TOLLIP: variants seen among roughly 807,000 people sequenced by gnomAD.
The protein encoded by TOLLIP is toll-interacting protein.
A neutral mutation model predicts 33.5 loss-of-function variants in TOLLIP; 16 were observed. That is an observed-to-expected ratio of 0.48 (90% confidence interval 0.32 to 0.72). The LOEUF is 0.72. Ranked by LOEUF, TOLLIP falls within the 30% of genes least tolerant of loss-of-function variation. The pLI is 0.03. For missense variants in TOLLIP, 325 were observed against 396.6 expected, an observed-to-expected ratio of 0.82 and a Z score of 1.53; for synonymous variants, 176 against 163.7, an observed-to-expected ratio of 1.07 and a Z score of -0.57.
rs973230641 is a variant in TOLLIP, at chr11:1,309,611, G to C, written c.-113C>G. ...CAGTTGTCACCTCGAGGCCGCCGCC[G>C]CCACAGTCAGCTGACAGCCGCCGCG... is the stretch of plus-strand genomic sequence containing the variant. On this transcript the variant is annotated 5_prime_UTR_variant, in exon 1 of 6. Coordinates refer to ENST00000317204, the MANE Select transcript of TOLLIP (RefSeq NM_019009.4). The C allele has an allele frequency of 1.0e-5, 4 of 401,874 alleles. No individual in the cohort carries two copies. The highest frequency in any genetic ancestry group is 1.6e-5 in the Non-Finnish European group (4 of 243,970). The allele number at this position is 401,874 out of a possible 1,614,324, so 24.9% of individuals were successfully genotyped here.
At chr11:1,302,553 C>T (rs2133930350) in intron 1 of TOLLIP, 4 of 984,922 alleles carry the variant, frequency 4.1e-6, no homozygotes, top group Middle Eastern at 5.2e-4. Flanking sequence ...CCACCCTTCA[C>T]AGCACCAGCA....
intron 4 of TOLLIP, among the ~76,000 whole-genome samples, chr11:1,287,388 T>TCCCC (rs1863751735): frequency 9.8e-6 from 1 of 101,784 alleles, no homozygotes; most frequent in Non-Finnish European, 2.1e-5. Context: ...AGCAGCTCCC[T>TCCCC]GCTGCTGCCT....
intron 4 of TOLLIP, among the ~76,000 whole-genome samples, chr11:1,286,677 G>A (rs528763394): frequency 2.3e-4 from 35 of 151,842 alleles, no homozygotes; most frequent in African/African-American, 7.3e-4. Context: ...TCACTGCACC[G>A]CTGTCATCTC....
At position 1,298,933 on chromosome 11, in the gene TOLLIP, G is replaced by A. The variant is rs185541383; in HGVS notation, c.34-3139C>T. Among the ~76,000 whole-genome samples the A allele has an allele frequency of 7.9e-4, 121 of 152,340 alleles. No individual in the cohort carries two copies. In the Middle Eastern group the frequency reaches 0.027, roughly 34 times the overall value. On this transcript the variant is annotated intron_variant, in intron 1 of 5. Coordinates refer to ENST00000317204, the MANE Select transcript of TOLLIP (RefSeq NM_019009.4). Reference sequence around the variant, plus strand: ...AAAACACAAGGAAAGCCTGAGAGACGGTCCCAGATTGGAGATGGCAGACAT... The same window carrying A: ...AAAACACAAGGAAAGCCTGAGAGACAGTCCCAGATTGGAGATGGCAGACAT...
intron 4 of TOLLIP, 102 bp from the exon 5 acceptor site, chr11:1,286,194 GA>G: frequency 1.2e-6 from 1 of 865,470 alleles, no homozygotes. Context: ...CGCCAGCCCA[GA>G]ATCGCCCTCC....
chr11:1,301,091 T>C (rs570864829), intron 1 of TOLLIP, among the ~76,000 whole-genome samples: 173 of 152,400 alleles, frequency 1.1e-3, no homozygotes, highest in African/African-American at 4.1e-3. Flanking sequence ...TTCATGACTA[T>C]GCGCTGAGCA....
chr11:1,297,516 C>T (rs955801605), intron 1 of TOLLIP, among the ~76,000 whole-genome samples: 25 of 152,376 alleles, frequency 1.6e-4, no homozygotes, highest in African/African-American at 5.5e-4. Flanking sequence ...ACCTGAGCAG[C>T]CAGCATGGCG....
In TOLLIP at chr11:1,290,459, G is replaced by A; in HGVS notation, c.184-50C>T. The A allele has an allele frequency of 1.9e-6, 3 of 1,582,262 alleles. No individual in the cohort carries two copies. The highest frequency in any genetic ancestry group is 2.2e-5 in the South Asian group (2 of 89,552). The stretch of plus-strand genomic sequence containing the variant: ...AAGGAGGTGCCAACCATCAGGAGAG[G>A]GTGGGTTCTCTAGGCCGTCTGCCTC... On this transcript the variant is annotated intron_variant, in intron 2 of 5. Coordinates refer to ENST00000317204, the MANE Select transcript of TOLLIP (RefSeq NM_019009.4). The surrounding 1 kb of genome is among the most constrained non-coding windows in gnomAD (Gnocchi z 4.9).
intron 1 of TOLLIP, among the ~76,000 whole-genome samples, chr11:1,307,433 C>T (rs932168117): frequency 1.3e-5 from 2 of 152,226 alleles, no homozygotes; most frequent in African/African-American, 4.8e-5. Context: ...CGCTGCACGC[C>T]GGTGCCCCTC....
In TOLLIP at chr11:1,303,226, C is replaced by A. The variant is rs1256469668; in HGVS notation, c.33+6240G>T. Among the ~76,000 whole-genome samples, 4 of 152,134 alleles carry A rather than the reference C, an allele frequency of 2.6e-5. No homozygotes were observed. Among genetic ancestry groups the A allele is most frequent in the Non-Finnish European group, 5.9e-5 (4 of 68,028 alleles). On this transcript the variant is annotated intron_variant, in intron 1 of 5. Coordinates refer to ENST00000317204, the MANE Select transcript of TOLLIP (RefSeq NM_019009.4). This position sits in a 1 kb window ranked among gnomAD's most constrained non-coding sequence, Gnocchi z 4.2. ...CTGCCAGGAACTCCACTGCAGGCAG[C>A]CTTGCATCCTAAGTGCTGGGACGGT...
chr11:1,291,493 CCT>C (rs1210876627), intron 2 of TOLLIP, among the ~76,000 whole-genome samples: 3 of 151,480 alleles, frequency 2.0e-5, no homozygotes, highest in African/African-American at 4.9e-5. Flanking sequence ...CACCAACCCC[CCT>C]CTGAGAGTAC....
At chr11:1,286,258 C>T (rs5743976) in intron 4 of TOLLIP, among the ~76,000 whole-genome samples, 166 bp from the exon 5 acceptor site, 132 of 152,300 alleles carry the variant, frequency 8.7e-4, no homozygotes, top group African/African-American at 3.1e-3. Flanking sequence ...GCACAGGGGA[C>T]GCTGGGCCCT....
At position 1,302,991 on chromosome 11, in the gene TOLLIP, G is replaced by A. The variant is rs535049842; in HGVS notation, c.33+6475C>T. ...TTTAATTATACAAAACACAACAGGC[G>A]CTTCAAAGCCAACATGCCGGGAGGT... is the stretch of plus-strand genomic sequence containing the variant. On this transcript the variant is annotated intron_variant, in intron 1 of 5. Transcript: ENST00000317204. 1.0e-4 allele frequency among the ~76,000 whole-genome samples: 15 copies of A among 149,996 alleles called. No individual in the cohort carries two copies. The East Asian group carries it at 1.5e-3, about 15-fold the overall frequency.
intron 4 of TOLLIP, among the ~76,000 whole-genome samples, chr11:1,286,574 G>A (rs1341912253): frequency 2.6e-5 from 4 of 152,056 alleles, no homozygotes; most frequent in African/African-American, 4.8e-5. Flanking sequence ...TCACTGCACC[G>A]CTGTCGTCTC....
intron 1 of TOLLIP, among the ~76,000 whole-genome samples, 154 bp from the exon 2 acceptor site, chr11:1,295,948 C>A (rs574699846): frequency 6.6e-6 from 1 of 151,788 alleles, no homozygotes; most frequent in South Asian, 2.1e-4. Flanking sequence ...CATCTCTAAA[C>A]GGAGGGGTCA....
intron 5 of TOLLIP, among the ~76,000 whole-genome samples, chr11:1,281,289 T>C (rs548271786): frequency 1.3e-4 from 20 of 152,330 alleles, no homozygotes; most frequent in Admixed American, 1.3e-3. Context: ...TCCTCACTGA[T>C]GCGGTCACAC....
chr11:1,279,077 G>A (rs1863404293), intron 5 of TOLLIP, among the ~76,000 whole-genome samples: 1 of 152,260 alleles, frequency 6.6e-6, no homozygotes, highest in Non-Finnish European at 1.5e-5. Context: ...GTCTGATGGG[G>A]AAGGGACAGG....
At chr11:1,295,624 G>T in intron 2 of TOLLIP, 21 bp downstream of exon 2, 1 of 1,521,280 alleles carries the variant, frequency 6.6e-7, no homozygotes, top group Non-Finnish European at 8.9e-7. Context: ...CAGGCAGGCA[G>T]GAGGGTGCCC....
chr11:1,302,829 C>T (rs1864322305), intron 1 of TOLLIP: 1 of 981,610 alleles, frequency 1.0e-6, no homozygotes, highest in Non-Finnish European at 1.2e-6. Flanking sequence ...TTCCCACATC[C>T]TCCTCCCACG....
Sources: gnomAD v4.1 joint callset for allele counts (sites outside exome capture counted in the v4.1 genomes callset) on GRCh38, gnomAD v4.1.1 for gene constraint, Gnocchi (gnomAD v3.1) non-coding constraint, MANE v1.5 for transcripts, NCBI Gene and HGNC (gene_info 2026-07-23, HGNC 2026-07-21) for gene names.